The following PCDHA8 variants were observed in gnomAD, a reference collection of about 807,000 sequenced individuals.
PCDHA8 encodes the protein protocadherin alpha-8.
A neutral mutation model predicts 61.8 loss-of-function variants in PCDHA8; 53 were observed. That is an observed-to-expected ratio of 0.86 (90% CI 0.69 to 1.08). The LOEUF (loss-of-function observed/expected upper bound fraction) is 1.08. PCDHA8 is among the 50% of genes least tolerant of loss of function. PCDHA8 has a pLI of 0.00. For synonymous variants in PCDHA8, 618 were observed against 556.6 expected, an observed-to-expected ratio of 1.11 and a Z score of -1.55; for missense variants, 1,293 against 1,245.0, an observed-to-expected ratio of 1.04 and a Z score of -0.58.
intron 1 of PCDHA8, chr5:140,869,872 A>G: frequency 6.2e-7 from 1 of 1,610,558 alleles, no homozygotes; most frequent in Admixed American, 1.7e-5. Context: ...AAATGCTGCT[A>G]AAGAAACTCT....
At chr5:140,903,515 G>T (rs542642607) in intron 1 of PCDHA8, among the ~76,000 whole-genome samples, 1 of 152,244 alleles carries the variant, frequency 6.6e-6, no homozygotes, top group Non-Finnish European at 1.5e-5. Context: ...TAGTTCTATT[G>T]TGTTGTTCAC....
At chr5:140,917,906 G>C (rs1334892378) in intron 1 of PCDHA8, among the ~76,000 whole-genome samples, 1 of 151,938 alleles carries the variant, frequency 6.6e-6, no homozygotes, top group East Asian at 1.9e-4. Flanking sequence ...TGTTAGGATA[G>C]TTTGTTTTTC....
chr5:140,994,281 G>T (rs2097610222), intron 3 of PCDHA8, among the ~76,000 whole-genome samples: 1 of 152,144 alleles, frequency 6.6e-6, no homozygotes. Flanking sequence ...CCTTTCTTGA[G>T]ACAGTCCCCA....
chr5:140,883,533 A>T, intron 1 of PCDHA8: 2 of 1,614,190 alleles, frequency 1.2e-6, no homozygotes, highest in South Asian at 2.2e-5. Flanking sequence ...TCAGCCTATG[A>T]ACTGGTGGTG....
In PCDHA8 at chr5:140,876,147, T is replaced by A. The variant is rs183600546; in HGVS notation, c.2394+32432T>A. 4.3e-6 allele frequency: 7 copies of A among 1,613,994 alleles called. No individual in the cohort carries two copies. The Admixed American group carries it at 1.2e-4, about 27-fold the overall frequency. ...GCGGTAAACCAGAACTAACAGGGTC[T>A]GTCCAGATTCAAATAACCGTCCTGG... is the stretch of plus-strand genomic sequence containing the variant. On this transcript the variant is annotated intron_variant, in intron 1 of 3. Transcript: ENST00000531613.
chr5:140,880,318 A>G (rs2058303482), intron 1 of PCDHA8, among the ~76,000 whole-genome samples: 1 of 152,268 alleles, frequency 6.6e-6, no homozygotes, highest in Admixed American at 6.5e-5. Context: ...CAAGTAAAAA[A>G]TAAGATACTA....
At chr5:140,870,619 T>C in intron 1 of PCDHA8, 1 of 1,613,150 alleles carries the variant, frequency 6.2e-7, no homozygotes, top group Middle Eastern at 1.7e-4. Flanking sequence ...GCTGTCGAGC[T>C]ACGTGTCGGT....
In PCDHA8 at chr5:140,850,049, C is replaced by A. The variant is rs1354549642; in HGVS notation, c.2394+6334C>A. 3 of 1,596,466 alleles carry A rather than the reference C, an allele frequency of 1.9e-6. 1 individual carries two copies. The highest frequency in any genetic ancestry group is 1.3e-5 in the African/African-American group (1 of 74,464). ...TGCACGCGGAGAGCGGCAAGGTGTA[C>A]GCGCTGCAGCCGTTGGACCACGAGG... On this transcript the variant is annotated intron_variant, in intron 1 of 3. Coordinates refer to ENST00000531613, the MANE Select transcript of PCDHA8 (RefSeq NM_018911.3).
At chr5:140,906,926 T>C (rs1217312413) in intron 1 of PCDHA8, among the ~76,000 whole-genome samples, 1 of 152,194 alleles carries the variant, frequency 6.6e-6, no homozygotes, top group Non-Finnish European at 1.5e-5. Flanking sequence ...CCAAAAAGTG[T>C]CCCGGTGTCA....
intron 1 of PCDHA8, among the ~76,000 whole-genome samples, chr5:140,950,569 T>C (rs969438550): frequency 1.3e-5 from 2 of 152,120 alleles, no homozygotes; most frequent in African/African-American, 2.4e-5. Context: ...TATTTTAAGG[T>C]TTTCTACTTA....
chr5:140,877,821 T>C (rs2057358206), intron 1 of PCDHA8: 1 of 1,603,226 alleles, frequency 6.2e-7, no homozygotes, highest in East Asian at 2.2e-5. Flanking sequence ...GAGAAGATTG[T>C]TTAAATCCTC....
chr5:140,976,414 G>A (rs1242756697), intron 1 of PCDHA8, among the ~76,000 whole-genome samples: 2 of 151,998 alleles, frequency 1.3e-5, no homozygotes, highest in African/African-American at 2.4e-5. Context: ...AGCCAGGTAC[G>A]GTGGCAGATG....
chr5:140,956,774 C>A (rs1232431991), intron 1 of PCDHA8, among the ~76,000 whole-genome samples: 2 of 152,070 alleles, frequency 1.3e-5, no homozygotes, highest in Non-Finnish European at 2.9e-5. Flanking sequence ...TCTGTCTGGT[C>A]CTGGGCTTTG....
At chr5:140,966,730 C>T in intron 1 of PCDHA8, 1 of 1,405,456 alleles carries the variant, frequency 7.1e-7, no homozygotes, top group Non-Finnish European at 9.2e-7. Context: ...CTGCCGCCTC[C>T]GGCCCTGCCC....
intron 1 of PCDHA8, among the ~76,000 whole-genome samples, chr5:140,879,868 A>G (rs544274525): frequency 2.0e-5 from 3 of 152,222 alleles, no homozygotes; most frequent in Middle Eastern, 3.4e-3. Context: ...CTCAGCTTTC[A>G]TGGTCACATT....
intron 1 of PCDHA8, chr5:140,869,787 G>A (rs1554163463): frequency 3.1e-6 from 5 of 1,612,888 alleles, no homozygotes; most frequent in Middle Eastern, 1.6e-4. Flanking sequence ...CCGTTCGGCT[G>A]TTAGTCCAAG....
intron 1 of PCDHA8, among the ~76,000 whole-genome samples, chr5:140,933,279 C>T (rs992723234): frequency 6.6e-6 from 1 of 151,840 alleles, no homozygotes; most frequent in African/African-American, 2.4e-5. Flanking sequence ...TCATTTGGAA[C>T]TTGTTTTGGA....
At position 140,884,506 on chromosome 5, in the gene PCDHA8, G is replaced by C. The variant is rs10076265; in HGVS notation, c.2394+40791G>C. 4,595 of 1,614,168 alleles carry C rather than the reference G, an allele frequency of 2.8e-3. 101 individuals are homozygous for C. In the African/African-American group the frequency reaches 0.053, roughly 19 times the overall value. On this transcript the variant is annotated intron_variant, in intron 1 of 3. Coordinates refer to ENST00000531613, the MANE Select transcript of PCDHA8 (RefSeq NM_018911.3). Reference sequence around the variant, plus strand: ...CTCTAGTGTGCTCCAGCGCGGCAGGGAGTTGGTCGTACTCGCAGCAGAGGC... The same window carrying C: ...CTCTAGTGTGCTCCAGCGCGGCAGGCAGTTGGTCGTACTCGCAGCAGAGGC...
In PCDHA8 at chr5:140,857,821, T is replaced by G. The variant is rs782136833; in HGVS notation, c.2394+14106T>G. On this transcript the variant is annotated intron_variant, in intron 1 of 3. Transcript: ENST00000531613. The stretch of plus-strand genomic sequence containing the variant: ...CGGTGGTTGCGGGTCACGTGGTGGC[T>G]AAGGTGCGCGCAGTGGACGCTGACT... 1.3e-5 allele frequency: 21 copies of G among 1,597,530 alleles called. 3 individuals carry two copies. Among genetic ancestry groups the G allele is most frequent in the East Asian group, 2.2e-5 (1 of 44,830 alleles).
Sources: allele counts gnomAD v4.1 joint callset (sites outside exome capture counted in the v4.1 genomes callset), GRCh38; gene constraint gnomAD v4.1.1; transcripts MANE v1.5; gene names NCBI Gene and HGNC (gene_info 2026-07-23, HGNC 2026-07-21).